Variants in BRD7 observed in about 807,000 individuals in gnomAD.
BRD7 encodes bromodomain containing 7, also known as bromodomain-containing protein 7.
In BRD7, 15 loss-of-function variants were observed where a neutral mutation model predicts 82.1. That is an observed-to-expected ratio of 0.18 (90% CI 0.12 to 0.28). BRD7 has a LOEUF of 0.28. BRD7 is among the 10% of genes least tolerant of loss of function. The probability of loss-of-function intolerance (pLI) is 1.00; values close to 1 mark genes in which losing one functional copy is unlikely to be tolerated. For missense variants in BRD7, 638 were observed against 779.9 expected, an observed-to-expected ratio of 0.82 and a Z score of 2.17; for synonymous variants, 232 against 266.9, an observed-to-expected ratio of 0.87 and a Z score of 1.27.
intron 8 of BRD7, among the ~76,000 whole-genome samples, chr16:50,330,992 A>G (rs2037541345): frequency 1.3e-5 from 2 of 152,294 alleles, no homozygotes; most frequent in South Asian, 2.1e-4. Flanking sequence ...TAAAGATACA[A>G]TATCAATTTA....
chr16:50,340,037 T>C lies in BRD7; in HGVS notation c.641A>G (p.Glu214Gly). Reference protein sequence around the residue: ...CTNAMIYNKPETIYYKAAKKL... With the variant: ...CTNAMIYNKPGTIYYKAAKKL... ...CTTTGCAGCTTTATAATAAATGGTC[T>C]CTGGTTTATTGTAAATCATGGCATT... The change falls in exon 6 of 17, where the codon GAG (glutamate) becomes GGG (glycine). Residue 214 changes from glutamate to glycine, a missense_variant. Glu to Gly is a moderately conservative substitution (Grantham distance 98). Transcript: ENST00000394688. 6.3e-7 allele frequency: 1 copy of C among 1,597,054 alleles called. No individual in the cohort carries two copies. Among genetic ancestry groups the C allele is most frequent in the East Asian group, 2.3e-5 (1 of 43,586 alleles).
intron 2 of BRD7, among the ~76,000 whole-genome samples, 179 bp downstream of exon 2, chr16:50,367,911 C>G (rs1037969236): frequency 1.3e-5 from 2 of 152,148 alleles, no homozygotes; most frequent in Non-Finnish European, 2.9e-5. Context: ...AGAGTATAAT[C>G]CAAAAACGAC....
chr16:50,352,360 T>TA (rs2038562136), intron 4 of BRD7, among the ~76,000 whole-genome samples: 1 of 152,234 alleles, frequency 6.6e-6, no homozygotes, highest in African/African-American at 2.4e-5. Flanking sequence ...TCCATGTTGT[T>TA]ACAAATGATA....
At chr16:50,331,409 A>G (rs2037559019) in intron 8 of BRD7, among the ~76,000 whole-genome samples, 1 of 152,208 alleles carries the variant, frequency 6.6e-6, no homozygotes, top group African/African-American at 2.4e-5. Context: ...CCAATTTCAA[A>G]CTATACTACA....
chr16:50,327,513 A>C (rs1356502504), intron 9 of BRD7, among the ~76,000 whole-genome samples: 1 of 152,248 alleles, frequency 6.6e-6, no homozygotes, highest in Non-Finnish European at 1.5e-5. Context: ...TTTTGTTTTG[A>C]AAACAGCACT....
chr16:50,363,393 G>A (rs1262988118), intron 2 of BRD7, among the ~76,000 whole-genome samples: 1 of 152,152 alleles, frequency 6.6e-6, no homozygotes, highest in African/African-American at 2.4e-5. Flanking sequence ...CAACTGCTCA[G>A]CATCAGAATG....
At chr16:50,368,612 C>T in intron 1 of BRD7, 114 bp downstream of exon 1, 1 of 1,151,378 alleles carries the variant, frequency 8.7e-7, no homozygotes, top group Non-Finnish European at 1.2e-6. Context: ...CTTCGCCGGC[C>T]TGGGCCTGCC....
intron 11 of BRD7, among the ~76,000 whole-genome samples, chr16:50,324,638 T>A (rs753735535): frequency 3.3e-5 from 5 of 152,222 alleles, no homozygotes; most frequent in Non-Finnish European, 5.9e-5. Flanking sequence ...CCTTGCTTGC[T>A]TCCTCACCTC....
intron 5 of BRD7, 38 bp from the exon 6 acceptor site, chr16:50,340,124 CA>C (rs769921232): frequency 1.7e-6 from 2 of 1,188,878 alleles, no homozygotes; most frequent in Non-Finnish European, 2.4e-6. Flanking sequence ...TGCATTAATG[CA>C]AAACAAACTA....
intron 6 of BRD7, 85 bp downstream of exon 6, chr16:50,339,891 A>G: frequency 1.5e-6 from 1 of 650,648 alleles, no homozygotes; most frequent in Non-Finnish European, 2.5e-6. Flanking sequence ...TAAAATCAAT[A>G]CTGTATTGTA....
chr16:50,357,959 G>A (rs1258704855), intron 2 of BRD7, among the ~76,000 whole-genome samples: 2 of 151,822 alleles, frequency 1.3e-5, no homozygotes, highest in Admixed American at 6.6e-5. Flanking sequence ...CAGCCTGGGC[G>A]ACAGAACAAG....
At position 50,368,713 on chromosome 16, in the gene BRD7, G is replaced by A; in HGVS notation, c.49+13C>T. ...CCGAGGGCCCGCCGCCCGCACCCCG[G>A]CCCCCTCCTCACCCTCGTAGAGGTG... On this transcript the variant is annotated intron_variant, in intron 1 of 16. Coordinates refer to ENST00000394688, the MANE Select transcript of BRD7 (RefSeq NM_013263.5). 2 of 1,552,964 alleles carry A rather than the reference G, an allele frequency of 1.3e-6. No homozygotes were observed. The highest frequency in any genetic ancestry group is 1.2e-5 in the South Asian group (1 of 86,748).
chr16:50,355,060 T>C, intron 2 of BRD7, 138 bp from the exon 3 acceptor site: 1 of 1,043,508 alleles, frequency 9.6e-7, no homozygotes, highest in Non-Finnish European at 1.4e-6. Flanking sequence ...TTTACTGCCA[T>C]CTACTGGAAA....
At chr16:50,327,639 C>T (rs1417576457) in intron 9 of BRD7, among the ~76,000 whole-genome samples, 2 of 152,194 alleles carry the variant, frequency 1.3e-5, no homozygotes, top group East Asian at 3.8e-4. Flanking sequence ...GTTCTCTCAT[C>T]CCTTACTCAA....
At chr16:50,334,631 G>A in intron 7 of BRD7, 80 bp downstream of exon 7, 2 of 1,520,476 alleles carry the variant, frequency 1.3e-6, no homozygotes, top group Non-Finnish European at 1.8e-6. Context: ...GTCTTCCCAA[G>A]TCAGGCCCCG....
At chr16:50,341,016 A>C (rs2038024881) in intron 5 of BRD7, among the ~76,000 whole-genome samples, 1 of 152,204 alleles carries the variant, frequency 6.6e-6, no homozygotes, top group Non-Finnish European at 1.5e-5. Flanking sequence ...AAGTAGACTG[A>C]GTTCTATGTA....
chr16:50,333,497 G>A (rs1362850982), intron 8 of BRD7, 77 bp downstream of exon 8: 16 of 1,554,598 alleles, frequency 1.0e-5, no homozygotes, highest in East Asian at 2.2e-5. Context: ...TTAAAAATAC[G>A]CAAGCAATTT....
chr16:50,332,593 G>A (rs533297661), intron 8 of BRD7, among the ~76,000 whole-genome samples: 1 of 152,130 alleles, frequency 6.6e-6, no homozygotes, highest in Non-Finnish European at 1.5e-5. Flanking sequence ...ATTTCCCAAA[G>A]AACTAAAAAT....
At chr16:50,334,618 T>C (rs2151158049) in intron 7 of BRD7, 93 bp downstream of exon 7, 1 of 1,454,074 alleles carries the variant, frequency 6.9e-7, no homozygotes, top group Non-Finnish European at 9.3e-7. Context: ...ACACTAGCAC[T>C]TGGTCTTCCC....
Sources: gnomAD v4.1 joint callset for allele counts (sites outside exome capture counted in the v4.1 genomes callset) on GRCh38, gnomAD v4.1.1 for gene constraint, MANE v1.5 for transcripts, NCBI Gene and HGNC (gene_info 2026-07-23, HGNC 2026-07-21) for gene names.